PIERCE2: variants seen among roughly 807,000 people sequenced by gnomAD.
PIERCE2 encodes piercer of microtubule wall 2.
chr15:55,417,984 G>A, the PIERCE2 span: 1 of 720,588 alleles, frequency 1.4e-6, no homozygotes, highest in Non-Finnish European at 2.3e-6. Flanking sequence ...AATGTCATCA[G>A]TTAAGGCAGG....
chr15:55,411,269 G>C, the PIERCE2 span: 1 of 152,058 alleles, frequency 6.6e-6, no homozygotes, highest in African/African-American at 2.4e-5. Flanking sequence ...TTTGGGAACA[G>C]CCTGGCCAAC....
At chr15:55,418,261 A>G in the PIERCE2 span, 3 of 1,556,328 alleles carry the variant, frequency 1.9e-6, no homozygotes, top group Non-Finnish European at 2.6e-6. Flanking sequence ...CAGACACAGA[A>G]ATGAAATCTG....
the PIERCE2 span, among the ~76,000 whole-genome samples, chr15:55,413,005 G>T: frequency 2.6e-5 from 4 of 151,992 alleles, no homozygotes; most frequent in African/African-American, 4.8e-5. Context: ...GCGGTGGTGC[G>T]CACCTATAAT....
chr15:55,411,794 G>C, the PIERCE2 span, among the ~76,000 whole-genome samples: 3 of 152,108 alleles, frequency 2.0e-5, no homozygotes, highest in African/African-American at 7.2e-5. Context: ...GGTGGTGCAT[G>C]CCTGTAATCA....
chr15:55,408,613 G>T, the PIERCE2 span: 1 of 566,380 alleles, frequency 1.8e-6, no homozygotes, highest in Non-Finnish European at 3.1e-6. Flanking sequence ...TAAACGGATA[G>T]GTTTACACAT....
At chr15:55,409,654 A>T in the PIERCE2 span, among the ~76,000 whole-genome samples, 1 of 152,194 alleles carries the variant, frequency 6.6e-6, no homozygotes. Context: ...GACATCAAAA[A>T]ATCTTAATTT....
At chr15:55,412,484 A>G in the PIERCE2 span, among the ~76,000 whole-genome samples, 1 of 152,244 alleles carries the variant, frequency 6.6e-6, no homozygotes. Context: ...AATTTTAGGC[A>G]CAGAGAATCT....
At chr15:55,416,574 G>A in the PIERCE2 span, among the ~76,000 whole-genome samples, 1 of 152,074 alleles carries the variant, frequency 6.6e-6, no homozygotes, top group African/African-American at 2.4e-5. Context: ...CCAGAAACCT[G>A]GAAGTTATCC....
At chr15:55,417,265 C>G in the PIERCE2 span, among the ~76,000 whole-genome samples, 2 of 152,170 alleles carry the variant, frequency 1.3e-5, no homozygotes, top group Admixed American at 1.3e-4. Flanking sequence ...ATATTTTCAC[C>G]CTAATTTACT....
At chr15:55,416,673 C>T in the PIERCE2 span, among the ~76,000 whole-genome samples, 469 of 151,986 alleles carry the variant, frequency 3.1e-3, 5 homozygotes, top group African/African-American at 0.01. Flanking sequence ...AAATTTGCTC[C>T]ATAGGCTGGG....
At chr15:55,417,448 T>C in the PIERCE2 span, among the ~76,000 whole-genome samples, 1 of 152,162 alleles carries the variant, frequency 6.6e-6, no homozygotes, top group Admixed American at 6.6e-5. Flanking sequence ...ATAGCAGTTA[T>C]CACAATTGTA....
At chr15:55,408,884 C>G in the PIERCE2 span, 1 of 804,696 alleles carries the variant, frequency 1.2e-6, no homozygotes, top group Non-Finnish European at 1.9e-6. Context: ...CCCACAACCC[C>G]GAAAAGCACT....
the PIERCE2 span, among the ~76,000 whole-genome samples, chr15:55,414,194 G>A: frequency 8.1e-6 from 1 of 124,062 alleles, no homozygotes; most frequent in Non-Finnish European, 1.7e-5. Context: ...ACCGCGCCAG[G>A]CCTGGTTTTT....
At chr15:55,418,220 T>C in the PIERCE2 span, 1 of 1,571,574 alleles carries the variant, frequency 6.4e-7, no homozygotes, top group South Asian at 1.2e-5. Flanking sequence ...GTTTATCTTT[T>C]AGGATAAGAA....
the PIERCE2 span, among the ~76,000 whole-genome samples, chr15:55,409,108 G>C: frequency 6.6e-6 from 1 of 152,114 alleles, no homozygotes; most frequent in Non-Finnish European, 1.5e-5. Flanking sequence ...GAGTTGTTTT[G>C]AAAAAGGATT....
At chr15:55,409,448 C>A in the PIERCE2 span, among the ~76,000 whole-genome samples, 1 of 151,862 alleles carries the variant, frequency 6.6e-6, no homozygotes, top group Non-Finnish European at 1.5e-5. Context: ...TTTACAGAAG[C>A]AATAAAAAGT....
At chr15:55,413,454 T>G in the PIERCE2 span, among the ~76,000 whole-genome samples, 708 of 151,858 alleles carry the variant, frequency 4.7e-3, 8 homozygotes, top group African/African-American at 0.016. Flanking sequence ...AATTAAAAGC[T>G]GCCCTTTAAG....
At chr15:55,410,206 T>C in the PIERCE2 span, among the ~76,000 whole-genome samples, 1 of 152,218 alleles carries the variant, frequency 6.6e-6, no homozygotes, top group African/African-American at 2.4e-5. Context: ...CCAGATTTTA[T>C]GGTACTAATT....
the PIERCE2 span, among the ~76,000 whole-genome samples, chr15:55,408,947 T>A: frequency 1.3e-5 from 2 of 152,170 alleles, no homozygotes; most frequent in African/African-American, 2.4e-5. Flanking sequence ...GCACGTTTCC[T>A]TAAGTCCGAA....
Sources: gnomAD v4.1 joint callset for allele counts (sites outside exome capture counted in the v4.1 genomes callset) on GRCh38, gnomAD v4.1.1 for gene constraint, MANE v1.5 for transcripts, NCBI Gene and HGNC (gene_info 2026-07-23, HGNC 2026-07-21) for gene names.